Variants in RIMS2 observed in about 807,000 individuals in gnomAD.
RIMS2 encodes regulating synaptic membrane exocytosis protein 2.
RIMS2 carries 59 observed loss-of-function variants against 174.4 expected under a neutral mutation model. The ratio of observed to expected loss-of-function variants is 0.34; its 90% CI spans 0.27 to 0.42. The LOEUF (loss-of-function observed/expected upper bound fraction) is 0.42. Among genes scored for constraint, RIMS2 ranks in the 10% least tolerant of loss-of-function variants. The probability of loss-of-function intolerance (pLI) is 1.00; values close to 1 mark genes in which losing one functional copy is unlikely to be tolerated. For synonymous variants in RIMS2, 606 were observed against 572.5 expected, an observed-to-expected ratio of 1.06 and a Z score of -0.84; for missense variants, 1,620 against 1,666.3, an observed-to-expected ratio of 0.97 and a Z score of 0.48.
chr8:104,022,094 T>C (rs943752633), intron 19 of RIMS2, among the ~76,000 whole-genome samples: 1 of 151,994 alleles, frequency 6.6e-6, no homozygotes, highest in Non-Finnish European at 1.5e-5. Flanking sequence ...AGGTTTACAA[T>C]AGTGATGTTA....
intron 19 of RIMS2, chr8:104,094,434 T>C: frequency 1.7e-6 from 1 of 599,276 alleles, no homozygotes; most frequent in South Asian, 2.1e-5. Context: ...TTTCTTTTTT[T>C]GTGTGTTTAT....
At chr8:104,203,540 G>A (rs894364546) in intron 19 of RIMS2, among the ~76,000 whole-genome samples, 1 of 118,980 alleles carries the variant, frequency 8.4e-6, no homozygotes, top group Admixed American at 1.2e-4. Flanking sequence ...GCCTCGCTCT[G>A]TCACCCAGGC....
chr8:104,246,756 G>C (rs957626933), intron 20 of RIMS2, among the ~76,000 whole-genome samples: 1 of 152,172 alleles, frequency 6.6e-6, no homozygotes, highest in African/African-American at 2.4e-5. Flanking sequence ...GATTGCTTCA[G>C]AGGCCCTGAA....
chr8:104,190,676 A>G (rs1484494346), intron 19 of RIMS2, among the ~76,000 whole-genome samples: 1 of 152,086 alleles, frequency 6.6e-6, no homozygotes, highest in Non-Finnish European at 1.5e-5. Context: ...ATTGATGTAG[A>G]GTGGGCTATC....
intron 4 of RIMS2, among the ~76,000 whole-genome samples, chr8:103,903,473 G>C (rs926839866): frequency 2.6e-5 from 4 of 152,086 alleles, no homozygotes; most frequent in African/African-American, 9.7e-5. Context: ...TGTAATGACT[G>C]TATGACAAAA....
At chr8:103,809,951 G>A (rs548307687) in intron 3 of RIMS2, among the ~76,000 whole-genome samples, 1 of 152,266 alleles carries the variant, frequency 6.6e-6, no homozygotes, top group South Asian at 2.1e-4. Flanking sequence ...GCATGATGAA[G>A]CAGAAGGCAT....
intron 2 of RIMS2, among the ~76,000 whole-genome samples, chr8:103,759,203 C>T (rs145077525): frequency 3.3e-4 from 50 of 152,100 alleles, no homozygotes; most frequent in Admixed American, 7.2e-4. Flanking sequence ...AATCACCCTT[C>T]GGGATGCCCT....
chr8:103,514,365 C>T lies in RIMS2; in HGVS notation c.176+13303C>T, dbSNP rs548354379. Among the ~76,000 whole-genome samples, 117 of 152,192 alleles carry T rather than the reference C, an allele frequency of 7.7e-4. 1 individual carries two copies. The highest frequency in any genetic ancestry group is 2.5e-3 in the African/African-American group (105 of 41,546). ...TTACTTTAACTTAATGCTTCCTAAC[C>T]TTTTTCACGTGATTCCACATGTAGA... On this transcript the variant is annotated intron_variant, in intron 1 of 23. Transcript: ENST00000504942.
At chr8:103,526,803 A>C (rs544150258) in intron 1 of RIMS2, among the ~76,000 whole-genome samples, 7 of 152,286 alleles carry the variant, frequency 4.6e-5, no homozygotes, top group African/African-American at 1.7e-4. Context: ...GTATAGTTGG[A>C]GTTTCAGAAG....
intron 19 of RIMS2, among the ~76,000 whole-genome samples, chr8:104,086,004 T>G (rs2097530725): frequency 6.6e-6 from 1 of 152,074 alleles, no homozygotes; most frequent in African/African-American, 2.4e-5. Flanking sequence ...GACAATGGAT[T>G]ATATGATCCT....
intron 3 of RIMS2, among the ~76,000 whole-genome samples, chr8:103,776,494 G>A (rs1034504810): frequency 6.6e-6 from 1 of 151,944 alleles, no homozygotes; most frequent in Non-Finnish European, 1.5e-5. Flanking sequence ...TAGTCTGGAT[G>A]TTTTTTTCTC....
At chr8:103,866,649 A>C (rs1331521331) in intron 3 of RIMS2, among the ~76,000 whole-genome samples, 3 of 152,064 alleles carry the variant, frequency 2.0e-5, no homozygotes, top group Non-Finnish European at 2.9e-5. Flanking sequence ...TGCTTTCATA[A>C]ACTTTTGGAT....
At chr8:104,027,596 T>G (rs1194464964) in intron 19 of RIMS2, among the ~76,000 whole-genome samples, 1 of 151,170 alleles carries the variant, frequency 6.6e-6, no homozygotes, top group Non-Finnish European at 1.5e-5. Flanking sequence ...AAGAGTGTAG[T>G]TCTTGAAACT....
In RIMS2 at chr8:103,911,935, C is replaced by A. The variant is rs181648393; in HGVS notation, c.1693-118C>A. 3 of 706,006 alleles carry A rather than the reference C, an allele frequency of 4.2e-6. No homozygotes were observed. The Admixed American group carries it at 8.8e-5, about 21-fold the overall frequency. The allele number at this position is 706,006 out of a possible 1,614,324, so 43.7% of individuals were successfully genotyped here. ...AAAGCTGGTTTGTGTAATCATAACA[C>A]TGAAATTCTGAAGTTTAGAGAGGTC... is the stretch of plus-strand genomic sequence containing the variant. On this transcript the variant is annotated intron_variant, in intron 5 of 23. Coordinates refer to ENST00000504942, the Ensembl canonical transcript of RIMS2.
intron 19 of RIMS2, among the ~76,000 whole-genome samples, chr8:104,036,097 A>G (rs1295949202): frequency 6.6e-6 from 1 of 151,834 alleles, no homozygotes; most frequent in Non-Finnish European, 1.5e-5. Context: ...CTTATGATAA[A>G]CAGCATGCTA....
intron 1 of RIMS2, among the ~76,000 whole-genome samples, chr8:103,695,732 T>TG (rs2097093032): frequency 2.6e-5 from 4 of 151,764 alleles, no homozygotes; most frequent in Admixed American, 6.6e-5. Context: ...ACAGTTTTTT[T>TG]TTGTTTGTTT....
intron 1 of RIMS2, among the ~76,000 whole-genome samples, chr8:103,548,828 G>A (rs374680483): frequency 5.3e-5 from 8 of 152,008 alleles, no homozygotes; most frequent in African/African-American, 1.9e-4. Context: ...AAGTTTTAGG[G>A]TACCAAATCA....
chr8:103,635,653 C>T lies in RIMS2; in HGVS notation c.177-61433C>T, dbSNP rs568424038. ...TCCCAAAGACACCTGCAGGAAGTGG[C>T]TGGAGACCCCAGTTAGGAGGTCCTG... is the stretch of plus-strand genomic sequence containing the variant. On this transcript the variant is annotated intron_variant, in intron 1 of 23. Coordinates refer to ENST00000504942, the Ensembl canonical transcript of RIMS2. Among the ~76,000 whole-genome samples, 5 of 152,302 alleles carry T rather than the reference C, an allele frequency of 3.3e-5. No homozygotes were observed. In the South Asian group the frequency reaches 1.0e-3, roughly 32 times the overall value.
At chr8:103,530,188 A>G (rs574237332) in intron 1 of RIMS2, among the ~76,000 whole-genome samples, 2 of 152,342 alleles carry the variant, frequency 1.3e-5, no homozygotes, top group South Asian at 2.1e-4. Flanking sequence ...AAGTAAACAT[A>G]TCACATATGT....
Sources: gnomAD v4.1 joint callset for allele counts (sites outside exome capture counted in the v4.1 genomes callset) on GRCh38, gnomAD v4.1.1 for gene constraint, MANE v1.5 for transcripts, NCBI Gene and HGNC (gene_info 2026-07-23, HGNC 2026-07-21) for gene names.